The following PTPRT variants were observed in gnomAD, a reference collection of about 807,000 sequenced individuals.
PTPRT encodes receptor-type tyrosine-protein phosphatase T.
In PTPRT, 56 loss-of-function variants were observed where a neutral mutation model predicts 176.8. That is an observed-to-expected ratio of 0.32 (90% CI 0.26 to 0.40). The LOEUF is 0.40. Ranked by LOEUF, PTPRT falls within the 10% of genes least tolerant of loss-of-function variation. PTPRT has a pLI of 1.00. For synonymous variants in PTPRT, 783 were observed against 739.0 expected (o/e 1.06, Z -0.96); for missense variants, 1,540 against 1,908.2 (o/e 0.81, Z 3.60).
At position 42,791,455 on chromosome 20, in the gene PTPRT, T is replaced by C. The variant is rs17811401; in HGVS notation, c.226A>G (p.Met76Val). The C allele has an allele frequency of 0.014, 22,739 of 1,610,854 alleles. 253 individuals are homozygous for C. Among genetic ancestry groups the C allele is most frequent in the South Asian group, 0.036 (3,277 of 90,580 alleles). The part of the protein sequence containing the change: ...DQAVPTGSFM[M>V]VNSSGRASGQ... ...GAGGCTCTCCCAGAGCTGTTCACCA[T>C]CATGAAAGATCCTGGAGACCCACAA... The change falls in exon 3 of 31, where the codon ATG becomes GTG. Residue 76 changes from methionine to valine, a missense_variant. Around this residue, in one of 11 missense-constraint regions of PTPRT, gnomAD observed 116 missense variants for 118.5 expected, o/e 0.98. Coordinates refer to ENST00000373187, the MANE Select transcript of PTPRT (RefSeq NM_007050.6).
chr20:42,688,519 CT>C (rs1223444125), intron 6 of PTPRT: 3 of 152,260 alleles, frequency 2.0e-5, no homozygotes, highest in Admixed American at 6.5e-5. Flanking sequence ...CCTTTCATCA[CT>C]GTGTAATGGA....
At chr20:43,008,539 A>C (rs748535982) in intron 1 of PTPRT, among the ~76,000 whole-genome samples, 2 of 151,810 alleles carry the variant, frequency 1.3e-5, no homozygotes, top group Non-Finnish European at 2.9e-5. Flanking sequence ...AAAAATACAA[A>C]AGTTAGCTGG....
At chr20:42,668,962 G>A (rs1198534344) in intron 7 of PTPRT, among the ~76,000 whole-genome samples, 3 of 146,954 alleles carry the variant, frequency 2.0e-5, no homozygotes, top group South Asian at 2.2e-4. Flanking sequence ...CGCCCGCCTC[G>A]GCCTCCCAAA....
chr20:42,274,308 T>C lies in PTPRT; in HGVS notation c.2176+8181A>G, dbSNP rs1289406850. Among the ~76,000 whole-genome samples, 4 of 152,208 alleles carry C rather than the reference T, an allele frequency of 2.6e-5. No homozygotes were observed. The East Asian group carries it at 7.7e-4, about 29-fold the overall frequency. ...TCTCTTCCCCTGCTCAGGGGTTCTCTGAGACCACATATATTCTAGATGGCA... is the reference window on the plus strand; with the variant it reads ...TCTCTTCCCCTGCTCAGGGGTTCTCCGAGACCACATATATTCTAGATGGCA... On this transcript the variant is annotated intron_variant, in intron 13 of 30. Coordinates refer to ENST00000373187, the MANE Select transcript of PTPRT (RefSeq NM_007050.6).
intron 6 of PTPRT, among the ~76,000 whole-genome samples, chr20:42,692,903 A>G (rs1372531401): frequency 6.6e-6 from 1 of 152,200 alleles, no homozygotes; most frequent in Non-Finnish European, 1.5e-5. Flanking sequence ...CTCTAGGGGA[A>G]GGAGTAGTCG....
In PTPRT at chr20:43,041,448, T is replaced by C. The variant is rs116488843; in HGVS notation, c.88+148198A>G. Among the ~76,000 whole-genome samples, 711 of 152,338 alleles carry C rather than the reference T, an allele frequency of 4.7e-3. 5 individuals carry two copies. The highest frequency in any genetic ancestry group is 0.013 in the African/African-American group (557 of 41,582). On this transcript the variant is annotated intron_variant, in intron 1 of 30. Transcript: ENST00000373187. ...TCTTATCTCCTTTCATTTAACTCCA[T>C]CTACATCACAGGACTCCTGTGTGTG...
intron 13 of PTPRT, among the ~76,000 whole-genome samples, chr20:42,260,763 C>T (rs2056734667): frequency 6.6e-6 from 1 of 152,106 alleles, no homozygotes; most frequent in African/African-American, 2.4e-5. Flanking sequence ...AGGGCATGAC[C>T]AGCAAGCAGA....
intron 1 of PTPRT, among the ~76,000 whole-genome samples, chr20:43,075,853 C>A (rs1311154894): frequency 6.6e-6 from 1 of 152,172 alleles, no homozygotes; most frequent in African/African-American, 2.4e-5. Flanking sequence ...AAAGCTTTTG[C>A]ATAAAGTAGT....
chr20:42,158,679 G>A (rs879654317), intron 17 of PTPRT, among the ~76,000 whole-genome samples: 19 of 152,094 alleles, frequency 1.2e-4, no homozygotes, highest in Non-Finnish European at 2.2e-4. Context: ...TGGACATTGC[G>A]GGCTAGCACA....
chr20:42,795,630 G>A (rs2077443736), intron 2 of PTPRT, among the ~76,000 whole-genome samples: 1 of 152,252 alleles, frequency 6.6e-6, no homozygotes, highest in Non-Finnish European at 1.5e-5. Context: ...CCCAGTGCCA[G>A]CACCTACTTG....
intron 7 of PTPRT, among the ~76,000 whole-genome samples, chr20:42,547,466 G>A (rs1187259107): frequency 6.6e-6 from 1 of 151,994 alleles, no homozygotes; most frequent in East Asian, 1.9e-4. Context: ...ATTTTCAAAT[G>A]AGGAAATATT....
intron 17 of PTPRT, among the ~76,000 whole-genome samples, chr20:42,145,526 A>ATAGG (rs1568968634): frequency 1.3e-5 from 2 of 152,042 alleles, no homozygotes; most frequent in African/African-American, 4.8e-5. Flanking sequence ...AGATAGATAG[A>ATAGG]TAGATAGATA....
intron 12 of PTPRT, among the ~76,000 whole-genome samples, chr20:42,288,476 T>C (rs2057267435): frequency 6.6e-6 from 1 of 151,886 alleles, no homozygotes; most frequent in Non-Finnish European, 1.5e-5. Context: ...CAAATGAACA[T>C]AGTACCCAAT....
chr20:42,310,430 G>A (rs1265284511), intron 12 of PTPRT, among the ~76,000 whole-genome samples: 1 of 152,158 alleles, frequency 6.6e-6, no homozygotes, highest in Non-Finnish European at 1.5e-5. Flanking sequence ...ACAAAGGAAA[G>A]AACGTTTTGA....
chr20:42,306,329 G>A (rs983934439), intron 12 of PTPRT, among the ~76,000 whole-genome samples: 1 of 152,176 alleles, frequency 6.6e-6, no homozygotes. Context: ...TGGAATGGAG[G>A]CCTGGAAGCA....
At chr20:42,412,269 C>G (rs1229218036) in intron 9 of PTPRT, among the ~76,000 whole-genome samples, 4 of 152,118 alleles carry the variant, frequency 2.6e-5, no homozygotes, top group Admixed American at 2.0e-4. Context: ...AAGATGTCAT[C>G]AAAGAAGATA....
chr20:42,067,492 T>G, the PTPRT span, among the ~76,000 whole-genome samples: 1 of 152,148 alleles, frequency 6.6e-6, no homozygotes, highest in South Asian at 2.1e-4. Flanking sequence ...ACCCCACTGG[T>G]CAACCACCCT....
rs1371949256 is a variant in PTPRT, at chr20:42,102,769, C to T, written c.3541-472G>A. On this transcript the variant is annotated intron_variant, in intron 25 of 30. Coordinates refer to ENST00000373187, the MANE Select transcript of PTPRT (RefSeq NM_007050.6). Reference sequence around the variant, plus strand: ...AAGCTGTCTGAGTATGGAAGGATGCCTAGATGACCTGCTCAGGATAGATGA... The same window carrying T: ...AAGCTGTCTGAGTATGGAAGGATGCTTAGATGACCTGCTCAGGATAGATGA... Among the ~76,000 whole-genome samples, 5 of 152,296 alleles carry T rather than the reference C, an allele frequency of 3.3e-5. No homozygotes were observed. In the East Asian group the frequency reaches 9.7e-4, roughly 29 times the overall value.
At chr20:42,730,608 C>G (rs1480944166) in intron 6 of PTPRT, among the ~76,000 whole-genome samples, 2 of 152,292 alleles carry the variant, frequency 1.3e-5, no homozygotes, top group East Asian at 3.9e-4. Flanking sequence ...GAACCAAATG[C>G]TGTCAGTTCT....
Sources: gnomAD v4.1 joint callset for allele counts (sites outside exome capture counted in the v4.1 genomes callset) on GRCh38, gnomAD v4.1.1 for gene constraint, gnomAD v4.1.1 regional missense constraint, MANE v1.5 for transcripts, NCBI Gene and HGNC (gene_info 2026-07-23, HGNC 2026-07-21) for gene names.